Variants in PSEN1 observed in about 807,000 individuals in gnomAD.
The protein encoded by PSEN1 is presenilin 1.
In PSEN1, 15 loss-of-function variants were observed where a neutral mutation model predicts 53.5. The observed-to-expected ratio is 0.28, with a 90% CI of 0.19 to 0.43. The LOEUF (loss-of-function observed/expected upper bound fraction) is 0.43. Among genes scored for constraint, PSEN1 ranks in the 20% least tolerant of loss-of-function variants. PSEN1 has a pLI of 1.00. For synonymous variants in PSEN1, 208 were observed against 209.8 expected, an observed-to-expected ratio of 0.99 and a Z score of 0.08; for missense variants, 387 against 571.2, an observed-to-expected ratio of 0.68 and a Z score of 3.29.
chr14:73,220,375 A>C lies in PSEN1; in HGVS notation c.*1086A>C, dbSNP rs1011143376. 3 of 152,690 alleles carry C rather than the reference A, an allele frequency of 2.0e-5. No individual in the cohort carries two copies. The highest frequency in any genetic ancestry group is 2.9e-5 in the Non-Finnish European group (2 of 68,054). The allele number at this position is 152,690 out of a possible 1,614,324, so 9.5% of individuals were successfully genotyped here. On this transcript the variant is annotated 3_prime_UTR_variant, in exon 12 of 12. Coordinates refer to ENST00000324501, the MANE Select transcript of PSEN1 (RefSeq NM_000021.4). ...ATGTATGCCCAAAGACGGTAGAATT[A>C]AAGAAGAGTAAAATGGCTGTTGAAG...
At chr14:73,173,755 G>T in intron 5 of PSEN1, 48 bp downstream of exon 5, 1 of 1,598,994 alleles carries the variant, frequency 6.3e-7, no homozygotes, top group Non-Finnish European at 8.6e-7. Context: ...TCTTCTTATG[G>T]TTGGGTATTC....
chr14:73,150,764 CAAAAAAAAAAAAA>C lies in PSEN1; in HGVS notation c.87+2670_87+2682del, dbSNP rs35747435. ...TGGGCAACAGAGTAAGACTCTGTCT[CAAAAAAAAAAAAA>C]AAAAAAAAAAAGCCAGGTGCGGTGG... On this transcript the variant is annotated intron_variant, in intron 3 of 11. Transcript: ENST00000324501. Among the ~76,000 whole-genome samples the C allele has an allele frequency of 5.0e-4, 18 of 35,940 alleles. 1 individual carries two copies. The highest frequency in any genetic ancestry group is 2.0e-3 in the African/African-American group (17 of 8,662). 23.6% of individuals were successfully genotyped at this position (35,940 alleles called of 152,430 possible). A position where few individuals can be genotyped will look rare whatever the true frequency, so the allele number is the denominator to read the frequency against.
At chr14:73,183,292 ATTT>A (rs34194809) in intron 5 of PSEN1, among the ~76,000 whole-genome samples, 55 of 148,268 alleles carry the variant, frequency 3.7e-4, no homozygotes, top group African/African-American at 1.3e-3. Context: ...TAATTTTTGT[ATTT>A]TTTTTTTTTA....
intron 3 of PSEN1, among the ~76,000 whole-genome samples, chr14:73,169,769 A>C (rs1897832884): frequency 6.6e-6 from 1 of 151,096 alleles, no homozygotes; most frequent in Non-Finnish European, 1.5e-5. Context: ...CCGTAGCCTC[A>C]TGAGTAGCTG....
chr14:73,217,268 T>C (rs1899956793), intron 11 of PSEN1, 24 bp downstream of exon 11: 1 of 1,613,350 alleles, frequency 6.2e-7, no homozygotes, highest in Non-Finnish European at 8.5e-7. Flanking sequence ...AATAAGAATG[T>C]GTCAGAGCTC....
At chr14:73,167,951 C>T (rs1490100228) in intron 3 of PSEN1, 1 of 151,768 alleles carries the variant, frequency 6.6e-6, no homozygotes, top group African/African-American at 2.4e-5. Context: ...GGCTAAATTC[C>T]ACCCTTAAAC....
Position 73,179,397 on chromosome 14 carries a change from G to A in PSEN1, c.480+5690G>A, listed in dbSNP as rs77609029. 4.3e-3 allele frequency among the ~76,000 whole-genome samples: 660 copies of A among 152,292 alleles called. 3 individuals are homozygous for A. The highest frequency in any genetic ancestry group is 0.015 in the African/African-American group (634 of 41,566). On this transcript the variant is annotated intron_variant, in intron 5 of 11. Transcript: ENST00000324501. ...TTTGGGAGGCCAAGGCGGGCAGATT[G>A]CCTGAGCTCATGAGTTTATGACCAG...
At chr14:73,190,755 C>G (rs938148125) in intron 6 of PSEN1, among the ~76,000 whole-genome samples, 2 of 152,232 alleles carry the variant, frequency 1.3e-5, no homozygotes, top group Admixed American at 1.3e-4. Flanking sequence ...AGAGGGGAAC[C>G]ATGGGGCACA....
chr14:73,189,376 C>T (rs997202825), intron 6 of PSEN1, among the ~76,000 whole-genome samples: 2 of 151,960 alleles, frequency 1.3e-5, no homozygotes, highest in East Asian at 1.9e-4. Context: ...TTTGGGAGGC[C>T]GAGGCGGGTG....
At chr14:73,176,781 G>A (rs1566632390) in intron 5 of PSEN1, among the ~76,000 whole-genome samples, 1 of 152,194 alleles carries the variant, frequency 6.6e-6, no homozygotes, top group Non-Finnish European at 1.5e-5. Context: ...ATGAGGCACT[G>A]AGGCAGGGGT....
intron 8 of PSEN1, among the ~76,000 whole-genome samples, chr14:73,205,478 CAAAAAAAA>C (rs34992040): frequency 4.6e-5 from 3 of 64,676 alleles, no homozygotes; most frequent in African/African-American, 5.4e-5. Context: ...GACTCTGTCT[CAAAAAAAA>C]AAAAAAAAAA....
chr14:73,218,679 AT>A (rs1318395386), intron 11 of PSEN1, among the ~76,000 whole-genome samples: 19 of 149,166 alleles, frequency 1.3e-4, no homozygotes, highest in African/African-American at 4.8e-4. Context: ...AGCATAGAGA[AT>A]GCCCCCGCAC....
At chr14:73,205,419 C>T (rs895663413) in intron 8 of PSEN1, among the ~76,000 whole-genome samples, 53 of 144,444 alleles carry the variant, frequency 3.7e-4, no homozygotes, top group African/African-American at 1.3e-3. Context: ...ACGGAGCTTG[C>T]AGTGAGCCGA....
intron 7 of PSEN1, among the ~76,000 whole-genome samples, chr14:73,193,629 A>AT (rs1362275652): frequency 6.0e-5 from 9 of 150,244 alleles, no homozygotes; most frequent in Non-Finnish European, 8.9e-5. Context: ...TTTTTAAACG[A>AT]TTTTTTTCCT....
intron 5 of PSEN1, among the ~76,000 whole-genome samples, chr14:73,174,481 A>G (rs2140045833): frequency 6.6e-6 from 1 of 152,166 alleles, no homozygotes; most frequent in East Asian, 1.9e-4. Context: ...TGATCTGCCC[A>G]CCTTGGTCTC....
intron 9 of PSEN1, among the ~76,000 whole-genome samples, chr14:73,207,330 AAAAG>A (rs1448456758): frequency 3.9e-5 from 6 of 152,248 alleles, no homozygotes; most frequent in Non-Finnish European, 8.8e-5. Flanking sequence ...ACTAAAAAAA[AAAAG>A]AAAGGGTTGA....
chr14:73,211,759 T>G lies in PSEN1; in HGVS notation c.956-10T>G. On this transcript the variant is annotated splice_polypyrimidine_tract_variant and intron_variant, in intron 9 of 11. Transcript: ENST00000324501. The stretch of plus-strand genomic sequence containing the variant: ...AATATTAGAGCTGTAACTTCCACTT[T>G]CTCTTGAAGGCACAGAAAGGGAGTC... 1 of 1,613,938 alleles carries G rather than the reference T, an allele frequency of 6.2e-7. No homozygotes were observed. Among genetic ancestry groups the G allele is most frequent in the East Asian group, 2.2e-5 (1 of 44,882 alleles).
intron 5 of PSEN1, among the ~76,000 whole-genome samples, chr14:73,176,289 T>G (rs1488890315): frequency 6.6e-6 from 1 of 152,354 alleles, no homozygotes; most frequent in Admixed American, 6.5e-5. Context: ...CTTAATTCCT[T>G]TTCTTTATCC....
chr14:73,149,786 CATT>C (rs1192952598), intron 3 of PSEN1, among the ~76,000 whole-genome samples: 3 of 152,186 alleles, frequency 2.0e-5, no homozygotes, highest in Non-Finnish European at 4.4e-5. Flanking sequence ...AATTAGTTGA[CATT>C]GTTGTTTAAC....
Sources: gnomAD v4.1 joint callset for allele counts (sites outside exome capture counted in the v4.1 genomes callset) on GRCh38, gnomAD v4.1.1 for gene constraint, MANE v1.5 for transcripts, NCBI Gene and HGNC (gene_info 2026-07-23, HGNC 2026-07-21) for gene names.